CDK10: variants seen among roughly 807,000 people sequenced by gnomAD.
The protein encoded by CDK10 is cyclin dependent kinase 10.
Under a neutral mutation model 51.0 loss-of-function variants are expected in CDK10, and 55 were observed. The ratio of observed to expected loss-of-function variants is 1.08; its 90% CI spans 0.87 to 1.35. The LOEUF is 1.35. CDK10 is among the 40% of genes most tolerant of loss of function. CDK10 has a pLI of 0.00. For missense variants in CDK10, 589 were observed against 485.1 expected (o/e 1.21, Z -2.01); for synonymous variants, 255 against 199.1 (o/e 1.28, Z -2.36).
chr16:89,692,468 A>T lies in CDK10; in HGVS notation c.437A>T (p.Gln146Leu). Residue 146 changes from glutamine (Q) to leucine (L), a missense_variant, in exon 6 of 13, where the codon CAG (glutamine) becomes CTG (leucine). By Grantham distance (113) the Gln-to-Leu change is moderately radical. Coordinates refer to ENST00000353379, the MANE Select transcript of CDK10 (RefSeq NM_052988.5). ...GCACAGGTCAAGTGCATCGTGCTGC[A>T]GGTGCTCCGGGGCCTCCAGTATCTG... ...SEAQVKCIVL[Q>L]VLRGLQYLHR... 1 of 1,596,564 alleles carries T rather than the reference A, an allele frequency of 6.3e-7. No homozygotes were observed.
Position 89,694,229 on chromosome 16 carries a change from T to C in CDK10, c.665T>C (p.Met222Thr). ...ACCACGCAGACCACCAGCATCGACA[T>C]GTGGTGAGGAGATACGGTTACCGCT... ...GTTTQTTSID[M>T]WAVGCILAEL... The change falls in exon 9 of 13, where the codon ATG becomes ACG. Residue 222 changes from methionine to threonine, a missense_variant. Coordinates refer to ENST00000353379, the MANE Select transcript of CDK10 (RefSeq NM_052988.5). 1 of 1,613,414 alleles carries C rather than the reference T, an allele frequency of 6.2e-7. No homozygotes were observed. Among genetic ancestry groups the C allele is most frequent in the South Asian group, 1.1e-5 (1 of 91,044 alleles).
Position 89,691,494 on chromosome 16 carries a change from A to G in CDK10, c.284A>G (p.His95Arg), listed in dbSNP as rs770863327. Residue 95 changes from histidine to arginine, a missense_variant, in exon 4 of 13, where the codon CAT (histidine) becomes CGT (arginine). Transcript: ENST00000353379. ...REITLLLRLR[H>R]PNIVELKEVV... ...ATCACGCTGCTGCTCCGCCTGCGTCATCCGAACATCGTGGAGCTGAAGGAG... is the reference window on the plus strand; with the variant it reads ...ATCACGCTGCTGCTCCGCCTGCGTCGTCCGAACATCGTGGAGCTGAAGGAG... 9 of 1,613,826 alleles carry G rather than the reference A, an allele frequency of 5.6e-6. No individual in the cohort carries two copies. The highest frequency in any genetic ancestry group is 7.6e-6 in the Non-Finnish European group (9 of 1,179,944).
intron 6 of CDK10, 184 bp downstream of exon 6, chr16:89,692,700 C>T (rs1248118981): frequency 2.7e-5 from 12 of 448,036 alleles, no homozygotes; most frequent in African/African-American, 1.0e-4. Flanking sequence ...GCTGGTCTCA[C>T]ACACTTGGGC....
At chr16:89,687,124 C>G (rs920048055) in intron 1 of CDK10, 1 of 234,798 alleles carries the variant, frequency 4.3e-6, no homozygotes, top group South Asian at 1.1e-4. Context: ...GCTTTGCAGG[C>G]TGAGCCGCGA....
intron 1 of CDK10, chr16:89,687,372 G>A (rs970673960): frequency 1.2e-5 from 5 of 432,240 alleles, no homozygotes; most frequent in African/African-American, 8.1e-5. Context: ...CTGAACTTTG[G>A]CCGCTGGTTT....
intron 1 of CDK10, among the ~76,000 whole-genome samples, chr16:89,688,785 C>G (rs576158884): frequency 6.6e-6 from 1 of 152,170 alleles, no homozygotes; most frequent in African/African-American, 2.4e-5. Flanking sequence ...GGCCCAGTAT[C>G]GTCACCACCT....
chr16:89,694,557 T>C (rs746324081), intron 9 of CDK10, 108 bp from the exon 10 acceptor site: 2 of 1,523,354 alleles, frequency 1.3e-6, no homozygotes, highest in Admixed American at 3.9e-5. Context: ...CCAGCGTGCC[T>C]CACACTGGCA....
intron 8 of CDK10, chr16:89,693,890 C>T (rs998051838): frequency 6.9e-6 from 4 of 579,362 alleles, no homozygotes; most frequent in African/African-American, 1.9e-5. Context: ...ACCCCAGTGT[C>T]GTGTACTCCC....
Position 89,694,801 on chromosome 16 carries a change from G to A in CDK10, c.792+13G>A. ...GAACATCTGGCCGGTGGGCGTCCTGGGCAGACCCGCAGCCCCCGCCCGTGC... is the reference window on the plus strand; with the variant it reads ...GAACATCTGGCCGGTGGGCGTCCTGAGCAGACCCGCAGCCCCCGCCCGTGC... On this transcript the variant is annotated intron_variant, in intron 10 of 12. Transcript: ENST00000353379. The A allele has an allele frequency of 1.3e-6, 2 of 1,556,256 alleles. No homozygotes were observed. The highest frequency in any genetic ancestry group is 1.7e-6 in the Non-Finnish European group (2 of 1,152,640).
Position 89,691,483 on chromosome 16 carries a change from C to CCGCCTGCGTCATCCGAA in CDK10, c.275_291dup (p.Ile98AlafsTer10). 1 of 1,613,732 alleles carries CCGCCTGCGTCATCCGAA rather than the reference C, an allele frequency of 6.2e-7. No individual in the cohort carries two copies. The highest frequency in any genetic ancestry group is 8.5e-7 in the Non-Finnish European group (1 of 1,179,874). On this transcript the variant is annotated frameshift_variant, in exon 4 of 13. Transcript: ENST00000353379. LOFTEE classifies it high-confidence loss of function. ...GCTTGCGGGAGATCACGCTGCTGCT[C>CCGCCTGCGTCATCCGAA]CGCCTGCGTCATCCGAACATCGTGG...
intron 8 of CDK10, chr16:89,693,784 C>T (rs1226175663): frequency 5.5e-6 from 3 of 546,938 alleles, no homozygotes; most frequent in Non-Finnish European, 9.9e-6. Context: ...AGGCAGCTTG[C>T]ATGCTTTCCC....
intron 3 of CDK10, 43 bp from the exon 4 acceptor site, chr16:89,691,400 C>G: frequency 6.8e-7 from 1 of 1,477,084 alleles, no homozygotes; most frequent in Non-Finnish European, 9.3e-7. Flanking sequence ...GGCTTCCCCG[C>G]CATCACTGGG....
chr16:89,696,072 G>T lies in CDK10; in HGVS notation c.*380G>T. On this transcript the variant is annotated 3_prime_UTR_variant, in exon 13 of 13. Transcript: ENST00000353379. ...GTGGACGCTGGCCTGGGATGAGAGG[G>T]CCCAGAAGACCTTCGTATCCCCTCT... 9.2e-6 allele frequency: 5 copies of T among 544,604 alleles called. No homozygotes were observed. In the South Asian group the frequency reaches 1.0e-4, roughly 11 times the overall value. 33.7% of individuals were successfully genotyped at this position (544,604 alleles called of 1,614,324 possible). A position where few individuals can be genotyped will look rare whatever the true frequency, so the allele number is the denominator to read the frequency against.
At chr16:89,692,196 G>A (rs2060483708) in intron 5 of CDK10, 3 of 554,546 alleles carry the variant, frequency 5.4e-6, no homozygotes, top group Non-Finnish European at 9.5e-6. Context: ...GGGAGCCCTG[G>A]GCGGAGAGCC....
intron 8 of CDK10, chr16:89,693,856 A>C: frequency 1.8e-6 from 1 of 556,796 alleles, no homozygotes; most frequent in East Asian, 3.1e-5. Flanking sequence ...GCTGAATATC[A>C]GAGTTGGTCA....
intron 5 of CDK10, 116 bp from the exon 6 acceptor site, chr16:89,692,333 A>C: frequency 5.4e-6 from 4 of 739,008 alleles, no homozygotes; most frequent in Admixed American, 2.9e-5. Flanking sequence ...TTCTGAGGGC[A>C]CTGGTTTCCT....
At chr16:89,694,863 ACGCCCTCTGCGCCCGCAGCCCCC>A in intron 10 of CDK10, 45 bp from the exon 11 acceptor site, 8 of 1,492,836 alleles carry the variant, frequency 5.4e-6, no homozygotes, top group Middle Eastern at 4.1e-4. Context: ...GCCCGTGCCC[ACGCCCTCTGCGCCCGCAGCCCCC>A]GCCCGTGCCC....
chr16:89,691,338 C>G (rs1189757027), intron 3 of CDK10, 105 bp from the exon 4 acceptor site: 1 of 770,246 alleles, frequency 1.3e-6, no homozygotes, highest in African/African-American at 1.7e-5. Flanking sequence ...GGTGGGGACA[C>G]TGCAGCACCT....
intron 10 of CDK10, 58 bp from the exon 11 acceptor site, chr16:89,694,873 C>T (rs532018484): frequency 4.3e-5 from 67 of 1,572,388 alleles, no homozygotes; most frequent in Middle Eastern, 2.0e-4. Context: ...ACGCCCTCTG[C>T]GCCCGCAGCC....
Sources: allele counts gnomAD v4.1 joint callset (sites outside exome capture counted in the v4.1 genomes callset), GRCh38; gene constraint gnomAD v4.1.1; transcripts MANE v1.5; gene names NCBI Gene and HGNC (gene_info 2026-07-23, HGNC 2026-07-21).